POLR3A: variants seen among roughly 807,000 people sequenced by gnomAD.
POLR3A encodes the protein DNA-directed RNA polymerase III subunit RPC1.
In POLR3A, 112 loss-of-function variants were observed where a neutral mutation model predicts 152.8. That is an observed-to-expected ratio of 0.73 (90% CI 0.63 to 0.86). POLR3A has a LOEUF of 0.86. POLR3A is among the 40% of genes least tolerant of loss of function. The probability of loss-of-function intolerance (pLI) is 0.00; values close to 1 mark genes in which losing one functional copy is unlikely to be tolerated. For missense variants in POLR3A, 1,385 were observed against 1,743.1 expected (o/e 0.79, Z 3.66); for synonymous variants, 615 against 652.1 (o/e 0.94, Z 0.87).
Position 78,009,537 on chromosome 10 carries a change from A to G in POLR3A, c.1909T>C (p.Tyr637His), listed in dbSNP as rs201990958. ...CCCCACCCGAGTTCCGTCCACTCAC[A>G]GGAATCATTGGCACAGAGATCTTCC... is the stretch of plus-strand genomic sequence containing the variant. The part of the protein sequence containing the change: ...KGEDLCANDS[Y>H]VTIQNSELMS... The change falls in exon 14 of 31, where the codon TAT becomes CAT. Residue 637 changes from tyrosine (Y) to histidine (H), a missense_variant and splice_region_variant. Tyr to His is a moderately conservative substitution (Grantham distance 83). This residue lies in a region of POLR3A where 188 missense variants were observed against 179.9 expected (regional missense o/e 1.04). Transcript: ENST00000372371. 1.9e-5 allele frequency: 31 copies of G among 1,614,078 alleles called. No individual in the cohort carries two copies. The highest frequency in any genetic ancestry group is 2.7e-5 in the African/African-American group (2 of 74,912).
intron 21 of POLR3A, among the ~76,000 whole-genome samples, chr10:77,988,393 G>A (rs1426715487): frequency 1.3e-5 from 2 of 151,862 alleles, no homozygotes; most frequent in African/African-American, 4.8e-5. Flanking sequence ...ATGGTGGCAC[G>A]CACCTGTAGT....
At chr10:78,023,728 C>T (rs764051408) in intron 5 of POLR3A, among the ~76,000 whole-genome samples, 4 of 146,362 alleles carry the variant, frequency 2.7e-5, no homozygotes, top group Non-Finnish European at 6.0e-5. Flanking sequence ...CAATGAGCCT[C>T]GATCATACCA....
chr10:78,029,495 A>T lies in POLR3A; in HGVS notation c.-88T>A, dbSNP rs1847671813. ...CAGCACCTCCTGGGGCTGCTTCTGGACTCGCCGCTAACACATCTGCGGCAT... is the reference window on the plus strand; with the variant it reads ...CAGCACCTCCTGGGGCTGCTTCTGGTCTCGCCGCTAACACATCTGCGGCAT... On this transcript the variant is annotated 5_prime_UTR_variant, in exon 1 of 31. Transcript: ENST00000372371. 1 of 1,361,876 alleles carries T rather than the reference A, an allele frequency of 7.3e-7. No individual in the cohort carries two copies. Among genetic ancestry groups the T allele is most frequent in the African/African-American group, 1.4e-5 (1 of 69,838 alleles). The allele number at this position is 1,361,876 out of a possible 1,614,324, so 84.4% of individuals were successfully genotyped here. A position where few individuals can be genotyped will look rare whatever the true frequency, so the allele number is the denominator to read the frequency against.
intron 10 of POLR3A, among the ~76,000 whole-genome samples, chr10:78,015,383 A>G (rs779523861): frequency 9.9e-5 from 15 of 152,128 alleles, no homozygotes; most frequent in Non-Finnish European, 1.9e-4. Flanking sequence ...GCTGGAGTGC[A>G]GTGGCGCAAT....
intron 9 of POLR3A, among the ~76,000 whole-genome samples, chr10:78,018,170 C>CAAA (rs112691299): frequency 7.2e-5 from 5 of 69,514 alleles, no homozygotes; most frequent in Admixed American, 1.5e-4. Context: ...ACTGAGACAT[C>CAAA]AAAAAAAAAA....
intron 11 of POLR3A, among the ~76,000 whole-genome samples, chr10:78,011,803 A>G (rs1365409281): frequency 1.3e-5 from 2 of 152,180 alleles, no homozygotes; most frequent in African/African-American, 2.4e-5. Flanking sequence ...AATCAGAACG[A>G]TAGGTATTTT....
chr10:78,001,026 G>A lies in POLR3A; in HGVS notation c.2428C>T (p.Pro810Ser). The change falls in exon 18 of 31, where the codon CCA becomes TCA. Residue 810 changes from proline to serine, a missense_variant. By Grantham distance (74) the Pro-to-Ser change is moderately conservative. Around this residue, in one of 7 missense-constraint regions of POLR3A, gnomAD observed 170 missense variants for 231.2 expected, o/e 0.74. Coordinates refer to ENST00000372371, the MANE Select transcript of POLR3A (RefSeq NM_007055.4). Reference sequence around the variant, plus strand: ...AAGGACCTGTTTTCAAAGCCGTCTGGCACTCGAGAGCCACTGATGGCCTGC... The same window carrying A: ...AAGGACCTGTTTTCAAAGCCGTCTGACACTCGAGAGCCACTGATGGCCTGC... ...GQQAISGSRV[P>S]DGFENRSLPH... is the part of the protein sequence containing the mutation. 1 of 1,611,866 alleles carries A rather than the reference G, an allele frequency of 6.2e-7. No individual in the cohort carries two copies.
At position 78,009,040 on chromosome 10, in the gene POLR3A, C is replaced by G. The variant is rs563024110; in HGVS notation, c.1909+497G>C. Among the ~76,000 whole-genome samples the G allele has an allele frequency of 2.1e-4, 32 of 150,304 alleles. 1 individual carries two copies. In the South Asian group the frequency reaches 6.7e-3, roughly 32 times the overall value. Reference sequence around the variant, plus strand: ...TGGTGGTGGGCGCCTGTAATCCAAGCTACTCAGGAGGCTGAGGCAGGAGAA... The same window carrying G: ...TGGTGGTGGGCGCCTGTAATCCAAGGTACTCAGGAGGCTGAGGCAGGAGAA... On this transcript the variant is annotated intron_variant, in intron 14 of 30. Coordinates refer to ENST00000372371, the MANE Select transcript of POLR3A (RefSeq NM_007055.4).
chr10:77,998,274 A>T (rs1378758236), intron 19 of POLR3A, among the ~76,000 whole-genome samples: 3 of 152,178 alleles, frequency 2.0e-5, no homozygotes, highest in Non-Finnish European at 4.4e-5. Flanking sequence ...CACCAAAAGC[A>T]ATGGCAACAA....
intron 10 of POLR3A, 104 bp downstream of exon 10, chr10:78,017,471 C>T: frequency 8.6e-7 from 1 of 1,157,478 alleles, no homozygotes. Context: ...GTTATGAAAA[C>T]TTGAGATAAC....
intron 11 of POLR3A, among the ~76,000 whole-genome samples, chr10:78,012,872 C>A (rs562160705): frequency 1.3e-5 from 2 of 152,292 alleles, no homozygotes; most frequent in African/African-American, 4.8e-5. Context: ...CAGGCGTGCG[C>A]CACCACACCT....
In POLR3A at chr10:78,025,834, T is replaced by C. The variant is rs1847628999; in HGVS notation, c.181-75A>G. The C allele has an allele frequency of 8.8e-5, 121 of 1,372,584 alleles. 1 individual carries two copies. The South Asian group carries it at 1.3e-3, about 15-fold the overall frequency. The allele number at this position is 1,372,584 out of a possible 1,614,324, so 85.0% of individuals were successfully genotyped here. ...AGAGTGCCCAGCCATCATGCCTGGCTGGTGACACAGAATCATTTCTTTTGC... is the reference window on the plus strand; with the variant it reads ...AGAGTGCCCAGCCATCATGCCTGGCCGGTGACACAGAATCATTTCTTTTGC... On this transcript the variant is annotated intron_variant, in intron 2 of 30. Coordinates refer to ENST00000372371, the MANE Select transcript of POLR3A (RefSeq NM_007055.4).
chr10:77,975,262 T>C lies in POLR3A; in HGVS notation c.*2216A>G, dbSNP rs766736149. 3 of 152,234 alleles carry C rather than the reference T, an allele frequency of 2.0e-5. No individual in the cohort carries two copies. Among genetic ancestry groups the C allele is most frequent in the Admixed American group, 6.5e-5 (1 of 15,274 alleles). 9.4% of individuals were successfully genotyped at this position (152,234 alleles called of 1,614,324 possible). ...GCTGCTACCTGGCCTTTGAGCTCTG[T>C]GCTGGCATAAAGCCCAAGGCCTGGG... On this transcript the variant is annotated 3_prime_UTR_variant, in exon 31 of 31. Transcript: ENST00000372371.
In POLR3A at chr10:78,021,593, C is replaced by T; in HGVS notation, c.1138G>A (p.Val380Ile). 5 of 1,614,112 alleles carry T rather than the reference C, an allele frequency of 3.1e-6. No homozygotes were observed. Among genetic ancestry groups the T allele is most frequent in the Non-Finnish European group, 4.2e-6 (5 of 1,179,972 alleles). ...TTGGCCACATGAACTGGCACAGCTA[C>T]CTCATCAATCCGGAGGTTGGGGTCG... ...SPDPNLRIDEVAVPVHVAKIL... is the reference protein window; with the variant it reads ...SPDPNLRIDEIAVPVHVAKIL... The change falls in exon 8 of 31, where the codon GTA (valine) becomes ATA (isoleucine). Residue 380 changes from valine (V) to isoleucine (I), a missense_variant. Val to Ile is a conservative substitution (Grantham distance 29). This residue lies in a region of POLR3A where 493 missense variants were observed against 647.5 expected (regional missense o/e 0.76). Coordinates refer to ENST00000372371, the MANE Select transcript of POLR3A (RefSeq NM_007055.4).
chr10:78,006,395 C>CAAAAAAAAAAAAAAAAAAAA (rs36050560), intron 15 of POLR3A, among the ~76,000 whole-genome samples: 2 of 21,946 alleles, frequency 9.1e-5, no homozygotes, highest in African/African-American at 1.1e-4. Flanking sequence ...GACTCTGTCT[C>CAAAAAAAAAAAAAAAAAAAA]AAAAAAAAAA....
rs1459792412 is a variant in POLR3A at position 77,986,137 on chromosome 10, C to T, written c.2924G>A (p.Gly975Glu). 6 of 1,574,292 alleles carry T rather than the reference C, an allele frequency of 3.8e-6. No individual in the cohort carries two copies. In the Admixed American group the frequency reaches 8.3e-5, roughly 22 times the overall value. ...FLQEIKKFIK[G>E]VSEKIKKTRD... is the part of the protein sequence containing the mutation. Reference sequence around the variant, plus strand: ...GGTTTTCTTGATCTTCTCAGAGACCCCCTTAATGAATTTTTTTATTTCCTG... The same window carrying T: ...GGTTTTCTTGATCTTCTCAGAGACCTCCTTAATGAATTTTTTTATTTCCTG... Residue 975 changes from glycine (G) to glutamate (E), a missense_variant, in exon 22 of 31, where the codon GGG (glycine) becomes GAG (glutamate). Coordinates refer to ENST00000372371, the MANE Select transcript of POLR3A (RefSeq NM_007055.4).
chr10:78,017,366 G>A lies in POLR3A; in HGVS notation c.1431+209C>T, dbSNP rs77043871. Reference sequence around the variant, plus strand: ...GGGGGCTGAGGTGGGAGGCTTGCTTGGGCCTGGGAGGTCCAGGTTGCAGTG... The same window carrying A: ...GGGGGCTGAGGTGGGAGGCTTGCTTAGGCCTGGGAGGTCCAGGTTGCAGTG... On this transcript the variant is annotated intron_variant, in intron 10 of 30. Coordinates refer to ENST00000372371, the MANE Select transcript of POLR3A (RefSeq NM_007055.4). 9.6e-3 allele frequency among the ~76,000 whole-genome samples: 1,464 copies of A among 152,110 alleles called. 15 individuals carry two copies. The highest frequency in any genetic ancestry group is 0.014 in the Non-Finnish European group (982 of 67,982).
chr10:77,981,286 G>A, intron 29 of POLR3A, 142 bp downstream of exon 29: 1 of 888,658 alleles, frequency 1.1e-6, no homozygotes, highest in South Asian at 1.3e-5. Context: ...TTTGGTTTTT[G>A]AGCAATGTTC....
chr10:78,029,442 G>A lies in POLR3A; in HGVS notation c.-35C>T. The A allele has an allele frequency of 6.2e-7, 1 of 1,612,996 alleles. No homozygotes were observed. The highest frequency in any genetic ancestry group is 1.1e-5 in the South Asian group (1 of 91,056). The stretch of plus-strand genomic sequence containing the variant: ...TGCCGGGACGCCTCCTTGGCACTCG[G>A]GAGGCCAGATTAGAGAAACGATGCC... On this transcript the variant is annotated 5_prime_UTR_variant, in exon 1 of 31. Coordinates refer to ENST00000372371, the MANE Select transcript of POLR3A (RefSeq NM_007055.4).
Sources: allele counts gnomAD v4.1 joint callset (sites outside exome capture counted in the v4.1 genomes callset), GRCh38; gene constraint gnomAD v4.1.1; regional missense constraint gnomAD v4.1.1; transcripts MANE v1.5; gene names NCBI Gene and HGNC (gene_info 2026-07-23, HGNC 2026-07-21).